MROH9: variants seen among roughly 807,000 people sequenced by gnomAD.
The protein encoded by MROH9 is maestro heat-like repeat-containing protein family member 9.
MROH9 carries 92 observed loss-of-function variants against 98.2 expected under a neutral mutation model. That is an observed-to-expected ratio of 0.94 (90% CI 0.79 to 1.11). MROH9 has a LOEUF of 1.11. MROH9 is among the 50% of genes most tolerant of loss of function. MROH9 has a pLI of 0.00. For missense variants in MROH9, 1,057 were observed against 1,014.8 expected (o/e 1.04, Z -0.57); for synonymous variants, 397 against 368.9 (o/e 1.08, Z -0.87).
chr1:170,967,543 C>T (rs1388583657), intron 7 of MROH9, among the ~76,000 whole-genome samples: 2 of 152,198 alleles, frequency 1.3e-5, no homozygotes, highest in East Asian at 1.9e-4. Context: ...TCTCTAAGTG[C>T]ATCCACCTCA....
At chr1:170,958,120 T>G (rs1273382745) in intron 3 of MROH9, among the ~76,000 whole-genome samples, 1 of 152,154 alleles carries the variant, frequency 6.6e-6, no homozygotes, top group East Asian at 1.9e-4. Context: ...TGCTGGCATT[T>G]TTATAGGTAG....
rs1649311786 is a variant in MROH9, at chr1:170,945,847, T to C, written c.25+266T>C. 2.6e-5 allele frequency among the ~76,000 whole-genome samples: 4 copies of C among 152,078 alleles called. No individual in the cohort carries two copies. In the South Asian group the frequency reaches 8.3e-4, roughly 31 times the overall value. On this transcript the variant is annotated intron_variant, in intron 2 of 21. Coordinates refer to ENST00000367759, the MANE Select transcript of MROH9 (RefSeq NM_001163629.2). ...AAATTAGAAACTAGTGATGAATTCATGAAACAAGTGAAAAACAACCTACCA... is the reference window on the plus strand; with the variant it reads ...AAATTAGAAACTAGTGATGAATTCACGAAACAAGTGAAAAACAACCTACCA...
chr1:171,043,475 C>T (rs1021037635), intron 20 of MROH9, among the ~76,000 whole-genome samples: 6 of 151,886 alleles, frequency 4.0e-5, no homozygotes, highest in Non-Finnish European at 8.8e-5. Flanking sequence ...TTTGTGGTTT[C>T]ATATACATTT....
chr1:170,976,256 T>C (rs867532615), intron 8 of MROH9, among the ~76,000 whole-genome samples: 10 of 152,212 alleles, frequency 6.6e-5, no homozygotes, highest in African/African-American at 2.4e-4. Flanking sequence ...GTCTGTGTAC[T>C]TCAGTGTATT....
intron 20 of MROH9, among the ~76,000 whole-genome samples, chr1:171,060,429 G>C (rs555413758): frequency 3.9e-5 from 6 of 152,236 alleles, no homozygotes; most frequent in Non-Finnish European, 7.4e-5. Flanking sequence ...TGTATGAAAT[G>C]TGACAAGCTG....
chr1:171,022,671 T>C (rs753925277), intron 17 of MROH9, among the ~76,000 whole-genome samples: 4 of 151,928 alleles, frequency 2.6e-5, no homozygotes, highest in Non-Finnish European at 5.9e-5. Flanking sequence ...ACCTAGATGA[T>C]GGGGTGATAG....
chr1:171,031,514 T>TGCA (rs1652912312), intron 20 of MROH9, among the ~76,000 whole-genome samples: 1 of 152,152 alleles, frequency 6.6e-6, no homozygotes, highest in African/African-American at 2.4e-5. Context: ...CTTGAAATGA[T>TGCA]TTTATTTCTC....
chr1:171,042,638 C>T (rs889043245), intron 20 of MROH9, among the ~76,000 whole-genome samples: 3 of 152,076 alleles, frequency 2.0e-5, no homozygotes, highest in Non-Finnish European at 2.9e-5. Context: ...ACCACATCCT[C>T]ACCAGCATTT....
chr1:170,954,252 T>C (rs775765609), intron 3 of MROH9, among the ~76,000 whole-genome samples: 4 of 152,148 alleles, frequency 2.6e-5, no homozygotes, highest in Non-Finnish European at 5.9e-5. Flanking sequence ...GGATAATTTT[T>C]CTCTTCATGT....
chr1:170,965,350 G>T, intron 7 of MROH9, 95 bp downstream of exon 7: 6 of 808,326 alleles, frequency 7.4e-6, no homozygotes, highest in Non-Finnish European at 1.2e-5. Context: ...TACTTGACAG[G>T]TCCTTGGTAT....
chr1:171,013,918 C>G (rs905884324), intron 15 of MROH9, among the ~76,000 whole-genome samples, 199 bp from the exon 16 acceptor site: 1 of 150,020 alleles, frequency 6.7e-6, no homozygotes, highest in Non-Finnish European at 1.5e-5. Context: ...CACACACAGA[C>G]AGACAAAAAC....
chr1:170,997,539 T>A (rs1651626724), intron 14 of MROH9, among the ~76,000 whole-genome samples: 1 of 152,132 alleles, frequency 6.6e-6, no homozygotes, highest in Non-Finnish European at 1.5e-5. Context: ...CACGTTGCAG[T>A]TTGAGAAGCA....
chr1:171,038,505 A>C (rs1279493575), intron 20 of MROH9, among the ~76,000 whole-genome samples: 1 of 152,218 alleles, frequency 6.6e-6, no homozygotes, highest in Non-Finnish European at 1.5e-5. Context: ...TCAAGAGAAT[A>C]TATCCTCAGA....
In MROH9 at chr1:171,016,337, G is replaced by C; in HGVS notation, c.1908+1G>C. On this transcript the variant is annotated splice_donor_variant, in intron 17 of 21. Coordinates refer to ENST00000367759, the MANE Select transcript of MROH9 (RefSeq NM_001163629.2). LOFTEE classifies it high-confidence loss of function. Reference sequence around the variant, plus strand: ...CAGCTACTGTACTCTGATGGATCATGTGAGTTACACAGTTAGATATGTGAG... The same window carrying C: ...CAGCTACTGTACTCTGATGGATCATCTGAGTTACACAGTTAGATATGTGAG... 2 of 1,494,366 alleles carry C rather than the reference G, an allele frequency of 1.3e-6. No individual in the cohort carries two copies. The highest frequency in any genetic ancestry group is 2.4e-5 in the Admixed American group (1 of 41,938). The allele number at this position is 1,494,366 out of a possible 1,614,324, so 92.6% of individuals were successfully genotyped here. A position where few individuals can be genotyped will look rare whatever the true frequency, so the allele number is the denominator to read the frequency against.
In MROH9 at chr1:170,952,251, T is replaced by A. The variant is rs191394960; in HGVS notation, c.72+4678T>A. ...TTGACCCAGCCATCCCATTACTGGA[T>A]GTATACCCAAAGGATTATAAGTCAT... is the stretch of plus-strand genomic sequence containing the variant. On this transcript the variant is annotated intron_variant, in intron 3 of 21. Transcript: ENST00000367759. Among the ~76,000 whole-genome samples the A allele has an allele frequency of 3.7e-3, 564 of 152,120 alleles. 4 individuals are homozygous for A. The highest frequency in any genetic ancestry group is 0.01 in the Middle Eastern group (3 of 294).
intron 3 of MROH9, among the ~76,000 whole-genome samples, chr1:170,952,139 T>G (rs994229882): frequency 7.9e-5 from 12 of 151,962 alleles, no homozygotes; most frequent in African/African-American, 1.5e-4. Context: ...GGAACACTTT[T>G]ACACTGTTGG....
chr1:170,951,774 C>G (rs1649562069), intron 3 of MROH9, among the ~76,000 whole-genome samples: 2 of 152,056 alleles, frequency 1.3e-5, no homozygotes, highest in African/African-American at 2.4e-5. Flanking sequence ...CCTATAAAGA[C>G]AGGGCTGTTG....
At chr1:171,019,463 C>T (rs1478074440) in intron 17 of MROH9, among the ~76,000 whole-genome samples, 2 of 151,988 alleles carry the variant, frequency 1.3e-5, no homozygotes, top group African/African-American at 4.8e-5. Context: ...ACCAGCATGG[C>T]CAAGATGGTG....
intron 12 of MROH9, 60 bp downstream of exon 12, chr1:170,992,389 C>G: frequency 6.5e-7 from 1 of 1,530,180 alleles, no homozygotes; most frequent in East Asian, 2.3e-5. Flanking sequence ...GTGAAAATCC[C>G]TATCTGCCCA....
Sources: allele counts gnomAD v4.1 joint callset (sites outside exome capture counted in the v4.1 genomes callset), GRCh38; gene constraint gnomAD v4.1.1; transcripts MANE v1.5; gene names NCBI Gene and HGNC (gene_info 2026-07-23, HGNC 2026-07-21).